Variants in MGMT observed in about 807,000 individuals in gnomAD.
The protein encoded by MGMT is O-6-methylguanine-DNA methyltransferase, also known as methylated-DNA--protein-cysteine methyltransferase.
MGMT carries 14 observed loss-of-function variants against 15.9 expected under a neutral mutation model. The observed-to-expected ratio is 0.88, with a 90% CI of 0.58 to 1.37. The LOEUF (loss-of-function observed/expected upper bound fraction) is 1.37, where lower values mean the gene tolerates loss of function less well. MGMT is among the 40% of genes most tolerant of loss of function. The pLI is 0.00. For synonymous variants in MGMT, 130 were observed against 118.2 expected, an observed-to-expected ratio of 1.10 and a Z score of -0.65; for missense variants, 282 against 268.1, an observed-to-expected ratio of 1.05 and a Z score of -0.36.
At chr10:129,508,252 G>A (rs373731551) in intron 1 of MGMT, among the ~76,000 whole-genome samples, 5 of 152,224 alleles carry the variant, frequency 3.3e-5, no homozygotes, top group East Asian at 3.9e-4. Context: ...CCTGGAAGCC[G>A]CCATAGAGAT....
intron 2 of MGMT, among the ~76,000 whole-genome samples, chr10:129,694,566 G>A (rs1338346780): frequency 2.6e-5 from 4 of 152,182 alleles, no homozygotes; most frequent in Non-Finnish European, 5.9e-5. Flanking sequence ...GGCTAGCTTC[G>A]AAGCTAAAAT....
At chr10:129,758,952 G>C (rs1291160750) in intron 3 of MGMT, among the ~76,000 whole-genome samples, 1 of 152,258 alleles carries the variant, frequency 6.6e-6, no homozygotes, top group Non-Finnish European at 1.5e-5. Flanking sequence ...AAGATGGAAA[G>C]AAATTGCAAA....
At chr10:129,677,625 G>T (rs1020109037) in intron 2 of MGMT, among the ~76,000 whole-genome samples, 1 of 152,216 alleles carries the variant, frequency 6.6e-6, no homozygotes, top group African/African-American at 2.4e-5. Flanking sequence ...CCACCTGACA[G>T]GCCAGCTCAA....
At chr10:129,627,728 C>T (rs1203256457) in intron 2 of MGMT, among the ~76,000 whole-genome samples, 5 of 152,188 alleles carry the variant, frequency 3.3e-5, no homozygotes, top group Non-Finnish European at 7.3e-5. Context: ...GCCACGTTTC[C>T]ACTGGGAATT....
At chr10:129,750,669 C>G (rs1476419688) in intron 3 of MGMT, among the ~76,000 whole-genome samples, 22 of 152,028 alleles carry the variant, frequency 1.4e-4, no homozygotes, top group Admixed American at 1.4e-3. Context: ...GGGTTATATG[C>G]AAATACTATG....
intron 1 of MGMT, among the ~76,000 whole-genome samples, chr10:129,486,565 C>T (rs1845411442): frequency 6.6e-6 from 1 of 152,162 alleles, no homozygotes; most frequent in Non-Finnish European, 1.5e-5. Context: ...GAGAAATTCA[C>T]AAGTGAATCC....
At chr10:129,554,875 C>T (rs575840565) in intron 2 of MGMT, among the ~76,000 whole-genome samples, 15 of 152,102 alleles carry the variant, frequency 9.9e-5, no homozygotes, top group African/African-American at 1.9e-4. Flanking sequence ...ACGCTGTCTC[C>T]GGAGCGAGAT....
chr10:129,752,296 AT>A (rs560744665), intron 3 of MGMT, among the ~76,000 whole-genome samples: 27 of 150,714 alleles, frequency 1.8e-4, no homozygotes, highest in Non-Finnish European at 3.6e-4. Context: ...TCTTTTATTA[AT>A]TTTTTTTTAC....
In MGMT at chr10:129,591,015, C is replaced by T. The variant is rs937348545; in HGVS notation, c.125+54638C>T. ...GTCGTTGGAAGTGTTTGGGAATAAG[C>T]GATGAGTTGGCCAAACGCAGTGTGT... On this transcript the variant is annotated intron_variant, in intron 2 of 4. Transcript: ENST00000651593. Among the ~76,000 whole-genome samples the T allele has an allele frequency of 1.6e-4, 25 of 152,254 alleles. 1 individual carries two copies. Among genetic ancestry groups the T allele is most frequent in the African/African-American group, 5.5e-4 (23 of 41,540 alleles).
At chr10:129,525,033 T>A (rs1845854146) in intron 1 of MGMT, among the ~76,000 whole-genome samples, 1 of 152,184 alleles carries the variant, frequency 6.6e-6, no homozygotes, top group Non-Finnish European at 1.5e-5. Context: ...TCCAAAGTGC[T>A]TTAAGTTCCA....
At chr10:129,518,876 G>T (rs977661608) in intron 1 of MGMT, among the ~76,000 whole-genome samples, 8 of 151,814 alleles carry the variant, frequency 5.3e-5, no homozygotes, top group African/African-American at 1.9e-4. Context: ...CCCCTGCACT[G>T]TCCGAGCATC....
chr10:129,598,649 A>G (rs1470446465), intron 2 of MGMT, among the ~76,000 whole-genome samples: 1 of 152,248 alleles, frequency 6.6e-6, no homozygotes, highest in African/African-American at 2.4e-5. Flanking sequence ...TTTGTTCTGA[A>G]TTGTTAGGGA....
chr10:129,756,387 C>T (rs886312856), intron 3 of MGMT, among the ~76,000 whole-genome samples: 3 of 152,050 alleles, frequency 2.0e-5, no homozygotes, highest in African/African-American at 4.8e-5. Context: ...GTTCGGAGGC[C>T]GCGTCACAGA....
intron 2 of MGMT, among the ~76,000 whole-genome samples, chr10:129,563,319 T>C (rs562337869): frequency 1.3e-5 from 2 of 152,116 alleles, no homozygotes; most frequent in Non-Finnish European, 2.9e-5. Context: ...TGTGTGTGGG[T>C]AGGATGACCC....
intron 1 of MGMT, among the ~76,000 whole-genome samples, chr10:129,499,878 A>G (rs1845558214): frequency 1.3e-5 from 2 of 152,222 alleles, no homozygotes; most frequent in Non-Finnish European, 2.9e-5. Flanking sequence ...ACGGAAATAC[A>G]TCCTTATGTC....
intron 3 of MGMT, among the ~76,000 whole-genome samples, chr10:129,756,033 A>T (rs1848802277): frequency 6.6e-6 from 1 of 152,186 alleles, no homozygotes; most frequent in African/African-American, 2.4e-5. Context: ...CTCGCATAAA[A>T]ACCCAGTGTC....
At chr10:129,656,402 G>A (rs1377731310) in intron 2 of MGMT, among the ~76,000 whole-genome samples, 1 of 152,208 alleles carries the variant, frequency 6.6e-6, no homozygotes, top group Non-Finnish European at 1.5e-5. Flanking sequence ...GGGTGAGGAG[G>A]GGTGGGGCCT....
rs28454573 is a variant in MGMT at position 129,566,731 on chromosome 10, C to T, written c.125+30354C>T. 0.066 allele frequency among the ~76,000 whole-genome samples: 10,044 copies of T among 152,138 alleles called. 1,114 individuals carry two copies. Among genetic ancestry groups the T allele is most frequent in the African/African-American group, 0.23 (9,518 of 41,454 alleles). On this transcript the variant is annotated intron_variant, in intron 2 of 4. Transcript: ENST00000651593. The surrounding 1 kb of genome is among the most constrained non-coding windows in gnomAD (Gnocchi z 4.1). Reference sequence around the variant, plus strand: ...TAGGGAGGGTCTGGGACTTTTCTCTCGGAGGCCCCATGAAGTTGGTATTCC... The same window carrying T: ...TAGGGAGGGTCTGGGACTTTTCTCTTGGAGGCCCCATGAAGTTGGTATTCC...
intron 2 of MGMT, among the ~76,000 whole-genome samples, chr10:129,543,208 A>ACC (rs1232003301): frequency 3.3e-5 from 5 of 152,084 alleles, no homozygotes; most frequent in Non-Finnish European, 7.4e-5. Flanking sequence ...CAGCTCTTGG[A>ACC]CCTTAGTAAA....
Sources: allele counts gnomAD v4.1 joint callset (sites outside exome capture counted in the v4.1 genomes callset), GRCh38; gene constraint gnomAD v4.1.1; non-coding constraint Gnocchi (gnomAD v3.1); transcripts MANE v1.5; gene names NCBI Gene and HGNC (gene_info 2026-07-23, HGNC 2026-07-21).